ARSJ: variants seen among roughly 807,000 people sequenced by gnomAD.
ARSJ encodes the protein arylsulfatase family member J.
In ARSJ, 26 loss-of-function variants were observed where a neutral mutation model predicts 35.9. The observed-to-expected ratio is 0.72, with a 90% CI of 0.53 to 1.00. The LOEUF (loss-of-function observed/expected upper bound fraction) is 1.00, where lower values mean the gene tolerates loss of function less well. Among genes scored for constraint, ARSJ ranks in the 50% least tolerant of loss-of-function variants. The pLI, the probability that ARSJ is intolerant of heterozygous loss-of-function variation, is 0.00. For missense variants in ARSJ, 667 were observed against 723.6 expected (o/e 0.92, Z 0.90); for synonymous variants, 294 against 267.6 (o/e 1.10, Z -0.96).
intron 1 of ARSJ, among the ~76,000 whole-genome samples, chr4:113,911,265 G>A (rs1453654784): frequency 6.6e-6 from 1 of 152,204 alleles, no homozygotes; most frequent in Non-Finnish European, 1.5e-5. Context: ...ATAGAGGTAA[G>A]TAGGTGCTCA....
rs2374215 is a variant in ARSJ, at chr4:113,902,035, A to T, written c.*239T>A. The T allele has an allele frequency of 7.9e-7, 1 of 1,268,458 alleles. No individual in the cohort carries two copies. Among genetic ancestry groups the T allele is most frequent in the Non-Finnish European group, 1.1e-6 (1 of 939,382 alleles). The allele number at this position is 1,268,458 out of a possible 1,614,324, so 78.6% of individuals were successfully genotyped here. ...GACTCACCACGTTTTCTAAAGGAGC[A>T]AGAGAAATAAACATCTCCACTCTCT... On this transcript the variant is annotated 3_prime_UTR_variant, in exon 2 of 2. Coordinates refer to ENST00000315366, the MANE Select transcript of ARSJ (RefSeq NM_024590.4).
chr4:113,978,354 T>TA, intron 1 of ARSJ, 83 bp downstream of exon 1: 1 of 1,308,018 alleles, frequency 7.6e-7, no homozygotes, highest in South Asian at 1.4e-5. Flanking sequence ...TACTTTCTGT[T>TA]ACTCCCTTAA....
intron 1 of ARSJ, among the ~76,000 whole-genome samples, chr4:113,974,314 G>T (rs182248473): frequency 1.8e-4 from 28 of 151,504 alleles, no homozygotes; most frequent in African/African-American, 6.8e-4. Context: ...ATGAAAAATC[G>T]CTAAAAAAAA....
chr4:113,956,831 G>T (rs1401025750), intron 1 of ARSJ, among the ~76,000 whole-genome samples: 1 of 152,002 alleles, frequency 6.6e-6, no homozygotes, highest in African/African-American at 2.4e-5. Context: ...GCAGGGGCCG[G>T]TTTGAGAGGG....
At chr4:113,973,833 T>C (rs2110338807) in intron 1 of ARSJ, among the ~76,000 whole-genome samples, 1 of 152,242 alleles carries the variant, frequency 6.6e-6, no homozygotes, top group African/African-American at 2.4e-5. Flanking sequence ...TGGTAAAAAA[T>C]ATCCAAGGCA....
chr4:113,918,571 T>C (rs1366901670), intron 1 of ARSJ, among the ~76,000 whole-genome samples: 1 of 152,124 alleles, frequency 6.6e-6, no homozygotes, highest in East Asian at 1.9e-4. Flanking sequence ...ACATCTAAAA[T>C]TTCTTTAAAT....
At chr4:113,925,093 G>A (rs573586953) in intron 1 of ARSJ, among the ~76,000 whole-genome samples, 3 of 152,070 alleles carry the variant, frequency 2.0e-5, no homozygotes, top group Admixed American at 6.6e-5. Context: ...GCATACCTCC[G>A]TTATGGAGTA....
intron 1 of ARSJ, among the ~76,000 whole-genome samples, chr4:113,940,384 C>G (rs1360176426): frequency 6.6e-6 from 1 of 152,098 alleles, no homozygotes; most frequent in African/African-American, 2.4e-5. Context: ...CAAACTAATG[C>G]AGGGGCAGAA....
At chr4:113,926,657 A>G (rs1319410946) in intron 1 of ARSJ, among the ~76,000 whole-genome samples, 1 of 152,138 alleles carries the variant, frequency 6.6e-6, no homozygotes, top group African/African-American at 2.4e-5. Context: ...GAGCTAGATC[A>G]TGTACATACC....
At chr4:113,939,962 A>C (rs549489932) in intron 1 of ARSJ, among the ~76,000 whole-genome samples, 1 of 152,128 alleles carries the variant, frequency 6.6e-6, no homozygotes, top group South Asian at 2.1e-4. Context: ...TTTGTTGCAG[A>C]ATGGCAATTA....
At chr4:113,978,107 G>A (rs1274926435) in intron 1 of ARSJ, among the ~76,000 whole-genome samples, 1 of 152,146 alleles carries the variant, frequency 6.6e-6, no homozygotes, top group Non-Finnish European at 1.5e-5. Context: ...AACAAAATCT[G>A]AGCATGCTCA....
intron 1 of ARSJ, among the ~76,000 whole-genome samples, chr4:113,967,872 T>C (rs1726994940): frequency 6.6e-6 from 1 of 152,192 alleles, no homozygotes; most frequent in African/African-American, 2.4e-5. Flanking sequence ...ATAATGAATA[T>C]AAAATGTCAT....
At chr4:113,946,116 C>T (rs940819974) in intron 1 of ARSJ, 2 of 151,830 alleles carry the variant, frequency 1.3e-5, no homozygotes, top group African/African-American at 4.8e-5. Flanking sequence ...ACTATGTTCC[C>T]CTGGCTGGGT....
At chr4:113,904,556 C>T (rs1027352669) in intron 1 of ARSJ, among the ~76,000 whole-genome samples, 2 of 152,222 alleles carry the variant, frequency 1.3e-5, no homozygotes, top group Non-Finnish European at 2.9e-5. Context: ...GTGATCTAGG[C>T]TCACTGCAAG....
At chr4:113,914,545 G>A (rs11943585) in intron 1 of ARSJ, among the ~76,000 whole-genome samples, 107,490 of 152,084 alleles carry the variant, frequency 0.71, 38,818 homozygotes, top group East Asian at 0.81. Flanking sequence ...GGTTAGGAAA[G>A]ATCTGTCAAA....
At chr4:113,949,813 A>G (rs1725742796) in intron 1 of ARSJ, among the ~76,000 whole-genome samples, 1 of 152,106 alleles carries the variant, frequency 6.6e-6, no homozygotes, top group Non-Finnish European at 1.5e-5. Context: ...TTCACTGTTA[A>G]TGCACTTTTG....
chr4:113,932,022 T>G (rs77835076), intron 1 of ARSJ, among the ~76,000 whole-genome samples: 10,529 of 152,084 alleles, frequency 0.069, 415 homozygotes, highest in Non-Finnish European at 0.087. Flanking sequence ...AGATATTCCA[T>G]GCACTAGAAA....
At chr4:113,928,722 C>T (rs762964988) in intron 1 of ARSJ, among the ~76,000 whole-genome samples, 4 of 152,124 alleles carry the variant, frequency 2.6e-5, no homozygotes, top group Non-Finnish European at 5.9e-5. Flanking sequence ...CACTGTGGTT[C>T]CCACTGTTAG....
At chr4:113,940,137 G>C (rs565832180) in intron 1 of ARSJ, among the ~76,000 whole-genome samples, 1 of 152,178 alleles carries the variant, frequency 6.6e-6, no homozygotes, top group East Asian at 1.9e-4. Context: ...TTTCATTGCT[G>C]GGTTTACACC....
Sources: gnomAD v4.1 joint callset for allele counts (sites outside exome capture counted in the v4.1 genomes callset) on GRCh38, gnomAD v4.1.1 for gene constraint, MANE v1.5 for transcripts, NCBI Gene and HGNC (gene_info 2026-07-23, HGNC 2026-07-21) for gene names.